Variants in TEX15 observed in about 807,000 individuals in gnomAD.
TEX15 encodes the protein testis expressed 15, meiosis and synapsis associated.
Under a neutral mutation model 237.3 loss-of-function variants are expected in TEX15, and 171 were observed. That is an observed-to-expected ratio of 0.72 (90% CI 0.64 to 0.82). The LOEUF (loss-of-function observed/expected upper bound fraction) is 0.82, where lower values mean the gene tolerates loss of function less well. Among genes scored for constraint, TEX15 ranks in the 40% least tolerant of loss-of-function variants. The pLI is 0.00. For synonymous variants in TEX15, 1,338 were observed against 1,269.8 expected, an observed-to-expected ratio of 1.05 and a Z score of -1.14; for missense variants, 3,750 against 3,646.5, an observed-to-expected ratio of 1.03 and a Z score of -0.73.
chr8:30,885,656 G>C (rs1050408423), intron 3 of TEX15, among the ~76,000 whole-genome samples: 1 of 152,170 alleles, frequency 6.6e-6, no homozygotes, highest in African/African-American at 2.4e-5. Context: ...GGTGAGTCCT[G>C]TGTGTGCTTG....
chr8:30,872,703 ATGTG>A (rs766971616), intron 4 of TEX15, among the ~76,000 whole-genome samples: 1 of 152,044 alleles, frequency 6.6e-6, no homozygotes, highest in Non-Finnish European at 1.5e-5. Context: ...CTTTAGGCTT[ATGTG>A]TGTGTTTGTG....
At chr8:30,901,350 T>G (rs1201021362) in intron 1 of TEX15, among the ~76,000 whole-genome samples, 7 of 152,226 alleles carry the variant, frequency 4.6e-5, no homozygotes, top group African/African-American at 1.7e-4. Flanking sequence ...ATTTCAATTT[T>G]TCCTCCTTAA....
At position 30,845,550 on chromosome 8, in the gene TEX15, G is replaced by A. The variant is rs61736164; in HGVS notation, c.4617C>T (p.Ser1539=). 2.5e-3 allele frequency: 4,109 copies of A among 1,613,616 alleles called. 112 individuals are homozygous for A. The African/African-American group carries it at 0.05, about 20-fold the overall frequency. ...GATGTTCTTCTGATAAACTTGGATT[G>A]CTTACACTGCTATTATAATAAACTG... ...SQSVYYNSSV[S]NPSLSEEHQP... The change falls in exon 8 of 11, where the codon AGC becomes AGT. Residue 1539 remains serine (S), a synonymous_variant. Coordinates refer to ENST00000643185, the MANE Select transcript of TEX15 (RefSeq NM_001350162.2).
chr8:30,887,889 CATATATATATATATATATATATATAT>C lies in TEX15; in HGVS notation c.-9-604_-9-579del, dbSNP rs36204928. On this transcript the variant is annotated intron_variant, in intron 2 of 10. Coordinates refer to ENST00000643185, the MANE Select transcript of TEX15 (RefSeq NM_001350162.2). ...ACATATATATTTCACATATATATTTCATATATATATATATATATATATATATATATATATATATATGAATTTTTGTT... is the reference window on the plus strand; with the variant it reads ...ACATATATATTTCACATATATATTTCATATATATATATATGAATTTTTGTT... 1.4e-3 allele frequency: 152 copies of C among 108,060 alleles called. 3 individuals are homozygous for C. The highest frequency in any genetic ancestry group is 3.2e-3 in the East Asian group (9 of 2,820). The allele number at this position is 108,060 out of a possible 1,614,324, so 6.7% of individuals were successfully genotyped here. A position where few individuals can be genotyped will look rare whatever the true frequency, so the allele number is the denominator to read the frequency against.
At chr8:30,895,355 G>A (rs113637492) in intron 2 of TEX15, among the ~76,000 whole-genome samples, 1,900 of 150,856 alleles carry the variant, frequency 0.013, 44 homozygotes, top group African/African-American at 0.044. Context: ...AATTGGTGAT[G>A]GGGTACTGAA....
chr8:30,907,887 G>A (rs1195703273), intron 1 of TEX15, among the ~76,000 whole-genome samples: 2 of 150,800 alleles, frequency 1.3e-5, no homozygotes, highest in East Asian at 3.9e-4. Flanking sequence ...GCAGGAAACC[G>A]TGATCACATC....
chr8:30,833,109 A>C lies in TEX15; in HGVS notation c.*177T>G, dbSNP rs982042285. 2.9e-5 allele frequency: 14 copies of C among 487,686 alleles called. No individual in the cohort carries two copies. Among genetic ancestry groups the C allele is most frequent in the African/African-American group, 2.2e-4 (11 of 49,916 alleles). 30.2% of individuals were successfully genotyped at this position (487,686 alleles called of 1,614,324 possible). On this transcript the variant is annotated 3_prime_UTR_variant, in exon 11 of 11. Transcript: ENST00000643185. ...TAATTCTGGTATATCAGATGTTAGA[A>C]ATTGATGTCCTATATGATATGTGTT... is the stretch of plus-strand genomic sequence containing the variant.
At chr8:30,893,032 CAA>C (rs60813874) in intron 2 of TEX15, among the ~76,000 whole-genome samples, 26 of 81,302 alleles carry the variant, frequency 3.2e-4, no homozygotes, top group South Asian at 4.5e-4. Flanking sequence ...GACTCTGCCT[CAA>C]AAAAAAAAAA....
intron 9 of TEX15, 78 bp from the exon 10 acceptor site, chr8:30,838,139 A>C: frequency 7.8e-7 from 1 of 1,278,918 alleles, no homozygotes; most frequent in Non-Finnish European, 1.1e-6. Flanking sequence ...ATATATTTGA[A>C]ATTTTTATCC....
At chr8:30,835,169 A>T (rs1563224996) in intron 10 of TEX15, among the ~76,000 whole-genome samples, 1 of 151,874 alleles carries the variant, frequency 6.6e-6, no homozygotes, top group East Asian at 1.9e-4. Context: ...CAGTGGCGCG[A>T]TCTCGGCTCA....
rs879324516 is a variant in TEX15 at position 30,842,623 on chromosome 8, ACAG to A, written c.7541_7543del (p.Ala2514del). 2.0e-5 allele frequency: 33 copies of A among 1,611,440 alleles called. No individual in the cohort carries two copies. Among genetic ancestry groups the A allele is most frequent in the Non-Finnish European group, 2.7e-5 (32 of 1,179,806 alleles). On this transcript the variant is annotated inframe_deletion, in exon 8 of 11. Coordinates refer to ENST00000643185, the MANE Select transcript of TEX15 (RefSeq NM_001350162.2). The stretch of plus-strand genomic sequence containing the variant: ...ATCCAGATCTTTCTTAAGTTCGGAA[ACAG>A]CAGTCTCTATCACTTTCCAAAGGCA...
rs138531639 is a variant in TEX15, at chr8:30,843,357, G to T, written c.6810C>A (p.Ile2270=). 1.4e-4 allele frequency: 224 copies of T among 1,610,348 alleles called. No individual in the cohort carries two copies. Among genetic ancestry groups the T allele is most frequent in the Non-Finnish European group, 1.8e-4 (215 of 1,177,972 alleles). The change falls in exon 8 of 11, where the codon ATC becomes ATA. Residue 2270 remains isoleucine, a synonymous_variant. Transcript: ENST00000643185. ...CAAGATTTTTTGCAGCATCAAAAAA[G>T]ATATGTTCCAGACCATAAAGAGATA... ...VKISLYGLEH[I]FFDAAKNLVW...
At chr8:30,885,788 G>A (rs768785110) in intron 3 of TEX15, among the ~76,000 whole-genome samples, 24 of 152,238 alleles carry the variant, frequency 1.6e-4, no homozygotes, top group African/African-American at 5.3e-4. Flanking sequence ...TGTTGGATAC[G>A]CCCATTTCTG....
intron 1 of TEX15, among the ~76,000 whole-genome samples, chr8:30,905,594 T>G (rs1237521211): frequency 6.6e-6 from 1 of 152,030 alleles, no homozygotes; most frequent in Admixed American, 6.6e-5. Flanking sequence ...GGTGGCAGTT[T>G]GGTGAAGCCA....
Position 30,842,216 on chromosome 8 carries a change from G to A in TEX15, c.7951C>T (p.Leu2651=). 6.2e-7 allele frequency: 1 copy of A among 1,612,152 alleles called. No individual in the cohort carries two copies. ...MLYNRRKILQ[L]KRKEKMNIHI... is the part of the protein sequence containing the mutation. Reference sequence around the variant, plus strand: ...ATATTCATTTTTTCTTTTCTCTTCAGCTGTAAAATCTTCCTTCTGTTATAC... The same window carrying A: ...ATATTCATTTTTTCTTTTCTCTTCAACTGTAAAATCTTCCTTCTGTTATAC... Residue 2651 remains leucine (L), a synonymous_variant, in exon 8 of 11, where the codon CTG becomes TTG. Transcript: ENST00000643185.
chr8:30,850,059 C>T (rs323349), intron 7 of TEX15, among the ~76,000 whole-genome samples: 51,928 of 151,558 alleles, frequency 0.34, 13,210 homozygotes, highest in African/African-American at 0.71. Context: ...CTACCATTAC[C>T]TTGCTTCTCC....
At chr8:30,892,156 T>G (rs1443765760) in intron 2 of TEX15, among the ~76,000 whole-genome samples, 6 of 152,360 alleles carry the variant, frequency 3.9e-5, no homozygotes, top group African/African-American at 1.4e-4. Context: ...AAGTCTTTAC[T>G]TTGCCTCAAA....
intron 2 of TEX15, chr8:30,888,598 C>T (rs1273099145): frequency 1.6e-6 from 2 of 1,285,842 alleles, no homozygotes; most frequent in Non-Finnish European, 1.0e-6. Context: ...ATGGAGTATA[C>T]ACACAGGGAA....
chr8:30,893,688 C>A (rs1367734188), intron 2 of TEX15, among the ~76,000 whole-genome samples: 1 of 152,212 alleles, frequency 6.6e-6, no homozygotes, highest in South Asian at 2.1e-4. Context: ...GATGTTATCA[C>A]CTCCAATTTA....
Sources: gnomAD v4.1 joint callset for allele counts (sites outside exome capture counted in the v4.1 genomes callset) on GRCh38, gnomAD v4.1.1 for gene constraint, MANE v1.5 for transcripts, NCBI Gene and HGNC (gene_info 2026-07-23, HGNC 2026-07-21) for gene names.